Variants in SLC1A1 observed in about 807,000 individuals in gnomAD.
The protein encoded by SLC1A1 is excitatory amino acid transporter 3.
A neutral mutation model predicts 53.3 loss-of-function variants in SLC1A1; 43 were observed. The ratio of observed to expected loss-of-function variants is 0.81; its 90% CI spans 0.63 to 1.04. The LOEUF (loss-of-function observed/expected upper bound fraction) is 1.04. Among genes scored for constraint, SLC1A1 ranks in the 50% least tolerant of loss-of-function variants. The pLI is 0.00. For missense variants in SLC1A1, 748 were observed against 664.9 expected (o/e 1.12, Z -1.37); for synonymous variants, 307 against 243.2 (o/e 1.26, Z -2.44).
At chr9:4,503,459 C>A (rs1019872819) in intron 1 of SLC1A1, among the ~76,000 whole-genome samples, 4 of 151,786 alleles carry the variant, frequency 2.6e-5, no homozygotes, top group African/African-American at 4.9e-5. Context: ...CTAACATGAT[C>A]CTGAGTGTGG....
At chr9:4,511,610 C>T (rs1020630368) in intron 1 of SLC1A1, among the ~76,000 whole-genome samples, 1 of 150,110 alleles carries the variant, frequency 6.7e-6, no homozygotes, top group Non-Finnish European at 1.5e-5. Context: ...CTACACTACA[C>T]TACAGCTTAT....
chr9:4,573,021 C>A (rs1009904321), intron 7 of SLC1A1, among the ~76,000 whole-genome samples: 1 of 152,206 alleles, frequency 6.6e-6, no homozygotes, highest in Non-Finnish European at 1.5e-5. Flanking sequence ...TTTCACTGTA[C>A]ATGAGAACAC....
chr9:4,518,065 T>G (rs1815923902), intron 1 of SLC1A1, among the ~76,000 whole-genome samples: 1 of 151,616 alleles, frequency 6.6e-6, no homozygotes, highest in African/African-American at 2.4e-5. Flanking sequence ...CCATCTCTAC[T>G]AAAAATAAAT....
chr9:4,585,192 G>C, intron 11 of SLC1A1, 120 bp from the exon 12 acceptor site: 1 of 1,352,614 alleles, frequency 7.4e-7, no homozygotes, highest in Non-Finnish European at 1.0e-6. Context: ...TCAGCCATGA[G>C]GACAGCACTT....
Position 4,537,594 on chromosome 9 carries a change from AAAAT to A in SLC1A1, c.92-6969_92-6966del, listed in dbSNP as rs1199695715. 7.4e-5 allele frequency among the ~76,000 whole-genome samples: 9 copies of A among 121,558 alleles called. 2 individuals are homozygous for A. The highest frequency in any genetic ancestry group is 2.6e-4 in the African/African-American group (9 of 34,916). 79.7% of individuals were successfully genotyped at this position (121,558 alleles called of 152,430 possible). A position where few individuals can be genotyped will look rare whatever the true frequency, so the allele number is the denominator to read the frequency against. ...AAAATAAAATAAAATAAAATAAAAT[AAAAT>A]AAAAAAAAAAAAAATCACATGCTAC... is the stretch of plus-strand genomic sequence containing the variant. On this transcript the variant is annotated intron_variant, in intron 1 of 11. Coordinates refer to ENST00000262352, the MANE Select transcript of SLC1A1 (RefSeq NM_004170.6).
intron 1 of SLC1A1, among the ~76,000 whole-genome samples, chr9:4,533,941 A>G (rs1246504851): frequency 6.6e-6 from 1 of 152,182 alleles, no homozygotes; most frequent in Non-Finnish European, 1.5e-5. Context: ...AAACTGAACA[A>G]CCTGCTCCTG....
chr9:4,576,087 C>A lies in SLC1A1; in HGVS notation c.962C>A (p.Ala321Asp). 6.2e-7 allele frequency: 1 copy of A among 1,613,550 alleles called. No homozygotes were observed. The highest frequency in any genetic ancestry group is 8.5e-7 in the Non-Finnish European group (1 of 1,179,446). ...CCTTTCCGATTTGCCATGGGAATGGCCCAGGCTCTCCTGACAGCTCTCATG... is the reference window on the plus strand; with the variant it reads ...CCTTTCCGATTTGCCATGGGAATGGACCAGGCTCTCCTGACAGCTCTCATG... ...KNPFRFAMGM[A>D]QALLTALMIS... The change falls in exon 9 of 12, where the codon GCC (alanine) becomes GAC (aspartate). Residue 321 changes from alanine to aspartate, a missense_variant. By Grantham distance (126) the Ala-to-Asp change is moderately radical. Coordinates refer to ENST00000262352, the MANE Select transcript of SLC1A1 (RefSeq NM_004170.6).
chr9:4,558,810 A>G (rs73383430), intron 2 of SLC1A1, among the ~76,000 whole-genome samples: 11,048 of 152,152 alleles, frequency 0.073, 1,291 homozygotes, highest in African/African-American at 0.25. Flanking sequence ...AATCTGCTTA[A>G]ACTGGACATC....
intron 2 of SLC1A1, among the ~76,000 whole-genome samples, chr9:4,559,209 C>A (rs1333108512): frequency 1.3e-5 from 2 of 152,138 alleles, no homozygotes; most frequent in African/African-American, 4.8e-5. Flanking sequence ...TTCAACACAG[C>A]AAACTGCATT....
intron 11 of SLC1A1, among the ~76,000 whole-genome samples, chr9:4,584,234 C>T (rs1468250352): frequency 6.6e-6 from 1 of 152,230 alleles, no homozygotes; most frequent in Admixed American, 6.5e-5. Context: ...GGCAAAAGCC[C>T]CTGCACCTGG....
chr9:4,504,057 T>A (rs1820722575), intron 1 of SLC1A1, among the ~76,000 whole-genome samples: 1 of 152,006 alleles, frequency 6.6e-6, no homozygotes, highest in Admixed American at 6.6e-5. Flanking sequence ...TTGTGAGCAC[T>A]GCATGACCCT....
At chr9:4,534,417 G>T (rs1338763711) in intron 1 of SLC1A1, among the ~76,000 whole-genome samples, 2 of 152,144 alleles carry the variant, frequency 1.3e-5, no homozygotes, top group Non-Finnish European at 2.9e-5. Flanking sequence ...ACTACCATCA[G>T]AGAATACTAT....
At chr9:4,563,777 T>A (rs1819211520) in intron 3 of SLC1A1, among the ~76,000 whole-genome samples, 1 of 152,134 alleles carries the variant, frequency 6.6e-6, no homozygotes. Context: ...GAACCTTCTC[T>A]CCCTATAAAT....
At chr9:4,533,160 G>T (rs568659859) in intron 1 of SLC1A1, among the ~76,000 whole-genome samples, 2 of 152,200 alleles carry the variant, frequency 1.3e-5, no homozygotes, top group Admixed American at 6.5e-5. Context: ...ATCAACTAAC[G>T]AGCAAAATAA....
intron 2 of SLC1A1, among the ~76,000 whole-genome samples, chr9:4,555,990 AT>A (rs71326117): frequency 0.82 from 115,878 of 141,994 alleles, 47,387 homozygotes; most frequent in East Asian, 0.98. Flanking sequence ...TACTAGCCCT[AT>A]TTTTTTTTTT....
chr9:4,563,147 A>AG lies in SLC1A1; in HGVS notation c.326-1197_326-1196insG, dbSNP rs149684272. 4.4e-4 allele frequency among the ~76,000 whole-genome samples: 64 copies of AG among 144,350 alleles called. No homozygotes were observed. In the South Asian group the frequency reaches 5.7e-3, roughly 13 times the overall value. The allele number at this position is 144,350 out of a possible 152,430, so 94.7% of individuals were successfully genotyped here. On this transcript the variant is annotated intron_variant, in intron 3 of 11. Transcript: ENST00000262352. ...AAAAGAAAAAAAAAGAGAGAGAGAGAAAAAAAAAAAAGAAGAATGCCCAGA... is the reference window on the plus strand; with the variant it reads ...AAAAGAAAAAAAAAGAGAGAGAGAGAGAAAAAAAAAAAGAAGAATGCCCAGA...
chr9:4,543,976 C>G (rs182100369), intron 1 of SLC1A1, among the ~76,000 whole-genome samples: 44 of 152,062 alleles, frequency 2.9e-4, no homozygotes, highest in African/African-American at 9.4e-4. Context: ...GCCAGGAGTT[C>G]GAGACCAGCC....
At chr9:4,522,454 G>A (rs1195892051) in intron 1 of SLC1A1, among the ~76,000 whole-genome samples, 1 of 152,102 alleles carries the variant, frequency 6.6e-6, no homozygotes, top group Non-Finnish European at 1.5e-5. Context: ...ATCTCACATG[G>A]TTATTCAGCC....
At chr9:4,557,911 C>G (rs921462296) in intron 2 of SLC1A1, among the ~76,000 whole-genome samples, 2 of 152,130 alleles carry the variant, frequency 1.3e-5, no homozygotes, top group African/African-American at 4.8e-5. Flanking sequence ...GCTTTATGAT[C>G]GTATGGTACT....
Sources: allele counts gnomAD v4.1 joint callset (sites outside exome capture counted in the v4.1 genomes callset), GRCh38; gene constraint gnomAD v4.1.1; transcripts MANE v1.5; gene names NCBI Gene and HGNC (gene_info 2026-07-23, HGNC 2026-07-21).